NMNAT2: variants seen among roughly 807,000 people sequenced by gnomAD.
The protein encoded by NMNAT2 is nicotinamide nucleotide adenylyltransferase 2.
Under a neutral mutation model 41.6 loss-of-function variants are expected in NMNAT2, and 11 were observed. That is an observed-to-expected ratio of 0.26 (90% confidence interval 0.17 to 0.44). The LOEUF (loss-of-function observed/expected upper bound fraction) is 0.44. Among genes scored for constraint, NMNAT2 ranks in the 20% least tolerant of loss-of-function variants. The pLI, the probability that NMNAT2 is intolerant of heterozygous loss-of-function variation, is 1.00. For synonymous variants in NMNAT2, 148 were observed against 151.2 expected, an observed-to-expected ratio of 0.98 and a Z score of 0.16; for missense variants, 288 against 407.7, an observed-to-expected ratio of 0.71 and a Z score of 2.53.
At chr1:183,275,366 T>C (rs937174249) in intron 8 of NMNAT2, among the ~76,000 whole-genome samples, 4 of 152,116 alleles carry the variant, frequency 2.6e-5, no homozygotes, top group African/African-American at 9.7e-5. Context: ...TCAATGATTC[T>C]AAGGACCTCG....
chr1:183,258,561 C>T (rs915147484), intron 10 of NMNAT2, among the ~76,000 whole-genome samples: 16 of 152,274 alleles, frequency 1.1e-4, no homozygotes, highest in Middle Eastern at 3.4e-3. Flanking sequence ...CAGCCCTTTC[C>T]CAAAGCAGAC....
intron 10 of NMNAT2, among the ~76,000 whole-genome samples, chr1:183,255,789 G>A (rs758188711): frequency 2.0e-5 from 3 of 150,764 alleles, no homozygotes; most frequent in East Asian, 4.0e-4. Context: ...TCGGCCTCCC[G>A]AGTAGCTCGG....
At chr1:183,391,821 G>C (rs1648489248) in intron 1 of NMNAT2, among the ~76,000 whole-genome samples, 1 of 152,088 alleles carries the variant, frequency 6.6e-6, no homozygotes, top group Non-Finnish European at 1.5e-5. Flanking sequence ...TGACATGATT[G>C]ATCGTGCCCC....
chr1:183,382,916 T>C (rs10797876), intron 1 of NMNAT2, among the ~76,000 whole-genome samples: 26,429 of 152,098 alleles, frequency 0.17, 2,806 homozygotes, highest in African/African-American at 0.29. Context: ...CACAGCACCA[T>C]TAGGCAATGC....
Position 183,298,831 on chromosome 1 carries a change from A to T in NMNAT2, c.86-5038T>A, listed in dbSNP as rs546582869. On this transcript the variant is annotated intron_variant, in intron 1 of 10. Transcript: ENST00000287713. ...GATTGGAAGATGCAACACAGTCAAG[A>T]TGCTAATTCTCCCCAAAATGATATG... Among the ~76,000 whole-genome samples the T allele has an allele frequency of 5.3e-5, 8 of 152,360 alleles. No homozygotes were observed. In the South Asian group the frequency reaches 1.7e-3, roughly 32 times the overall value.
intron 1 of NMNAT2, among the ~76,000 whole-genome samples, chr1:183,377,264 C>G (rs1663700236): frequency 1.3e-5 from 2 of 152,058 alleles, no homozygotes; most frequent in South Asian, 4.1e-4. Context: ...TTGACAGTGA[C>G]TGCCTACAAC....
intron 1 of NMNAT2, among the ~76,000 whole-genome samples, chr1:183,407,821 A>T (rs897148658): frequency 1.9e-4 from 29 of 152,232 alleles, no homozygotes; most frequent in African/African-American, 6.8e-4. Context: ...GGTATATAAG[A>T]TATTACATTT....
chr1:183,367,121 C>G (rs1425134505), intron 1 of NMNAT2, among the ~76,000 whole-genome samples: 1 of 152,194 alleles, frequency 6.6e-6, no homozygotes. Flanking sequence ...ATTTCCACAT[C>G]CTAGCATGGT....
intron 1 of NMNAT2, among the ~76,000 whole-genome samples, chr1:183,396,533 G>A (rs1648655384): frequency 6.6e-6 from 1 of 152,016 alleles, no homozygotes; most frequent in Non-Finnish European, 1.5e-5. Context: ...AGGGAAGAAC[G>A]CCTCAAGTTA....
chr1:183,288,185 A>G (rs1379945599), intron 4 of NMNAT2, among the ~76,000 whole-genome samples: 3 of 152,128 alleles, frequency 2.0e-5, no homozygotes, highest in Admixed American at 6.5e-5. Context: ...GACTTGTTCT[A>G]TCTCTGAGAA....
At chr1:183,290,314 C>A in intron 3 of NMNAT2, 108 bp from the exon 4 acceptor site, 1 of 813,498 alleles carries the variant, frequency 1.2e-6, no homozygotes, top group South Asian at 1.8e-5. Flanking sequence ...CTGGCCATAC[C>A]ATGCGCTTAG....
At chr1:183,337,628 C>T (rs1331933665) in intron 1 of NMNAT2, among the ~76,000 whole-genome samples, 1 of 149,580 alleles carries the variant, frequency 6.7e-6, no homozygotes, top group Non-Finnish European at 1.5e-5. Flanking sequence ...TGAGAGTTGC[C>T]ATCAGTTTGT....
Position 183,287,757 on chromosome 1 carries a change from T to C in NMNAT2, c.322-969A>G, listed in dbSNP as rs1399793662. ...AGCTGCCTGGGTACCCACCACCCAC[T>C]CCTGCACGCTACCCTTTCTGGATTT... On this transcript the variant is annotated intron_variant, in intron 4 of 10. Transcript: ENST00000287713. Among the ~76,000 whole-genome samples the C allele has an allele frequency of 2.0e-5, 3 of 152,202 alleles. No homozygotes were observed. In the East Asian group the frequency reaches 5.8e-4, roughly 29 times the overall value.
chr1:183,354,382 T>G (rs1391500506), intron 1 of NMNAT2, among the ~76,000 whole-genome samples: 1 of 151,890 alleles, frequency 6.6e-6, no homozygotes, highest in Non-Finnish European at 1.5e-5. Context: ...TAATTTAATC[T>G]TACTTGCCTG....
At chr1:183,289,050 A>G (rs531797823) in intron 4 of NMNAT2, among the ~76,000 whole-genome samples, 8 of 152,338 alleles carry the variant, frequency 5.3e-5, no homozygotes, top group Admixed American at 5.2e-4. Flanking sequence ...CGGAGCAATG[A>G]AGCGCCACAT....
At chr1:183,292,518 A>G (rs1661569240) in intron 3 of NMNAT2, among the ~76,000 whole-genome samples, 1 of 152,260 alleles carries the variant, frequency 6.6e-6, no homozygotes, top group Admixed American at 6.5e-5. Context: ...ATATTTCTGG[A>G]AGCTCCAAGA....
intron 1 of NMNAT2, among the ~76,000 whole-genome samples, chr1:183,415,576 A>G (rs1164582032): frequency 6.6e-6 from 1 of 152,236 alleles, no homozygotes; most frequent in Non-Finnish European, 1.5e-5. Context: ...AATCAGGAAC[A>G]TGAGGCTCAA....
At position 183,321,511 on chromosome 1, in the gene NMNAT2, C is replaced by A. The variant is rs544299145; in HGVS notation, c.86-27718G>T. On this transcript the variant is annotated intron_variant, in intron 1 of 10. Coordinates refer to ENST00000287713, the MANE Select transcript of NMNAT2 (RefSeq NM_015039.4). ...ATCCCAGCACTTTGGGAGGCCGAGG[C>A]AGGTGGATCTACTTGAGGTCAGGAG... 5.3e-5 allele frequency among the ~76,000 whole-genome samples: 8 copies of A among 152,174 alleles called. No individual in the cohort carries two copies. The South Asian group carries it at 1.5e-3, about 28-fold the overall frequency.
At chr1:183,338,638 A>T (rs1662730035) in intron 1 of NMNAT2, among the ~76,000 whole-genome samples, 4 of 152,202 alleles carry the variant, frequency 2.6e-5, no homozygotes. Context: ...TGGTAAATGG[A>T]AAAGCTAAAA....
Sources: allele counts gnomAD v4.1 joint callset (sites outside exome capture counted in the v4.1 genomes callset), GRCh38; gene constraint gnomAD v4.1.1; transcripts MANE v1.5; gene names NCBI Gene and HGNC (gene_info 2026-07-23, HGNC 2026-07-21).